The following PPARGC1A variants were observed in gnomAD, a reference collection of about 807,000 sequenced individuals.
PPARGC1A encodes peroxisome proliferator-activated receptor gamma coactivator 1-alpha.
In PPARGC1A, 25 loss-of-function variants were observed where a neutral mutation model predicts 88.7. That is an observed-to-expected ratio of 0.28 (90% CI 0.21 to 0.39). The LOEUF (loss-of-function observed/expected upper bound fraction) is 0.39, where lower values mean the gene tolerates loss of function less well. PPARGC1A is among the 10% of genes least tolerant of loss of function. PPARGC1A has a pLI of 1.00. For synonymous variants in PPARGC1A, 363 were observed against 355.6 expected (o/e 1.02, Z -0.24); for missense variants, 880 against 968.7 (o/e 0.91, Z 1.22).
At chr4:24,251,160 ATT>A in the PPARGC1A span, among the ~76,000 whole-genome samples, 3 of 152,242 alleles carry the variant, frequency 2.0e-5, no homozygotes. Context: ...ATAAGTCATT[ATT>A]ATTAAAATAG....
the PPARGC1A span, among the ~76,000 whole-genome samples, chr4:23,970,608 C>G: frequency 6.6e-6 from 1 of 152,096 alleles, no homozygotes; most frequent in African/African-American, 2.4e-5. Context: ...TGAATTTGAC[C>G]CTTGGAGAAC....
chr4:24,414,747 C>T, the PPARGC1A span, among the ~76,000 whole-genome samples: 1 of 152,298 alleles, frequency 6.6e-6, no homozygotes, highest in South Asian at 2.1e-4. Flanking sequence ...TTGTTAGGTA[C>T]AACTTCTGGA....
the PPARGC1A span, among the ~76,000 whole-genome samples, chr4:24,125,234 C>A: frequency 6.6e-6 from 1 of 151,228 alleles, no homozygotes; most frequent in African/African-American, 2.5e-5. Flanking sequence ...TTAACTCCCA[C>A]TTATCATTTC....
chr4:24,264,891 T>G, the PPARGC1A span, among the ~76,000 whole-genome samples: 1 of 152,288 alleles, frequency 6.6e-6, no homozygotes, highest in South Asian at 2.1e-4. Flanking sequence ...AGAGAAAGAC[T>G]TCATAGTGAA....
the PPARGC1A span, among the ~76,000 whole-genome samples, chr4:24,086,064 T>C: frequency 1.3e-4 from 20 of 152,194 alleles, no homozygotes; most frequent in Non-Finnish European, 2.4e-4. Flanking sequence ...TTGGTAACTA[T>C]TCCTGAAATT....
chr4:24,331,767 T>TATATA, the PPARGC1A span, among the ~76,000 whole-genome samples: 1 of 143,616 alleles, frequency 7.0e-6, no homozygotes, highest in Non-Finnish European at 1.5e-5. Context: ...TGTGTTTATT[T>TATATA]TATATATATA....
At chr4:24,196,614 T>C in the PPARGC1A span, among the ~76,000 whole-genome samples, 1 of 152,172 alleles carries the variant, frequency 6.6e-6, no homozygotes, top group Non-Finnish European at 1.5e-5. Context: ...GACAGGCAGG[T>C]GCTATCCCTC....
chr4:24,419,504 AAC>A, the PPARGC1A span, among the ~76,000 whole-genome samples: 1 of 149,218 alleles, frequency 6.7e-6, no homozygotes, highest in South Asian at 2.2e-4. Context: ...AATCCCGAAA[AAC>A]ACAGAGATGA....
chr4:24,070,610 T>G, the PPARGC1A span, among the ~76,000 whole-genome samples: 1 of 152,170 alleles, frequency 6.6e-6, no homozygotes, highest in Non-Finnish European at 1.5e-5. Context: ...CATCTCTAGA[T>G]GAATTCTAGA....
the PPARGC1A span, among the ~76,000 whole-genome samples, chr4:23,977,675 G>C: frequency 2.6e-5 from 4 of 152,054 alleles, no homozygotes; most frequent in African/African-American, 9.7e-5. Flanking sequence ...GTGTATCCTG[G>C]AACTTAAAAC....
chr4:24,436,882 G>A, the PPARGC1A span, among the ~76,000 whole-genome samples: 7 of 152,034 alleles, frequency 4.6e-5, no homozygotes, highest in Admixed American at 2.6e-4. Context: ...ATATCTATTG[G>A]CCACCCCAGA....
At chr4:24,303,866 ACT>A in the PPARGC1A span, among the ~76,000 whole-genome samples, 1 of 152,236 alleles carries the variant, frequency 6.6e-6, no homozygotes, top group South Asian at 2.1e-4. Context: ...GTTTAACTAA[ACT>A]CTGTATTGCT....
rs746073011 is a variant in PPARGC1A, at chr4:23,802,356, A to G, written c.2020-11T>C. On this transcript the variant is annotated splice_polypyrimidine_tract_variant and intron_variant, in intron 10 of 12. Coordinates refer to ENST00000264867, the MANE Select transcript of PPARGC1A (RefSeq NM_013261.5). Reference sequence around the variant, plus strand: ...CACACGGCGCTCTTCCTATGGGGGGAAGGAAGGAGAGAGTTCTGGAGTGGG... The same window carrying G: ...CACACGGCGCTCTTCCTATGGGGGGGAGGAAGGAGAGAGTTCTGGAGTGGG... The G allele has an allele frequency of 1.9e-6, 3 of 1,613,540 alleles. No homozygotes were observed. Among genetic ancestry groups the G allele is most frequent in the Non-Finnish European group, 2.5e-6 (3 of 1,179,814 alleles).
At chr4:24,154,820 G>A in the PPARGC1A span, among the ~76,000 whole-genome samples, 1 of 152,144 alleles carries the variant, frequency 6.6e-6, no homozygotes, top group Non-Finnish European at 1.5e-5. Flanking sequence ...GCATTATAAA[G>A]GCAGGAAAAA....
the PPARGC1A span, among the ~76,000 whole-genome samples, chr4:24,424,497 G>T: frequency 6.6e-6 from 1 of 151,844 alleles, no homozygotes; most frequent in Non-Finnish European, 1.5e-5. Flanking sequence ...GGATGGCCTC[G>T]ATCTCCTGAC....
At chr4:23,910,279 C>A in the PPARGC1A span, among the ~76,000 whole-genome samples, 6 of 57,844 alleles carry the variant, frequency 1.0e-4, no homozygotes, top group South Asian at 7.4e-4. Context: ...TATATTAACC[C>A]TATATATTAT....
At chr4:24,340,966 A>G in the PPARGC1A span, among the ~76,000 whole-genome samples, 2 of 152,230 alleles carry the variant, frequency 1.3e-5, no homozygotes, top group South Asian at 2.1e-4. Context: ...GGTTATATTG[A>G]TGGCACAGGC....
chr4:23,879,894 C>T (rs561471534), intron 2 of PPARGC1A: 26 of 152,224 alleles, frequency 1.7e-4, no homozygotes, highest in African/African-American at 6.3e-4. Flanking sequence ...AACTTACTCC[C>T]ACTACTGCCA....
intron 2 of PPARGC1A, among the ~76,000 whole-genome samples, chr4:23,848,579 G>C (rs940769221): frequency 1.3e-5 from 2 of 152,138 alleles, no homozygotes; most frequent in African/African-American, 4.8e-5. Flanking sequence ...AAAACATAAG[G>C]CTTTAGCAAT....
Sources: gnomAD v4.1 joint callset for allele counts (sites outside exome capture counted in the v4.1 genomes callset) on GRCh38, gnomAD v4.1.1 for gene constraint, MANE v1.5 for transcripts, NCBI Gene and HGNC (gene_info 2026-07-23, HGNC 2026-07-21) for gene names.